CSMD2: variants seen among roughly 807,000 people sequenced by gnomAD.
CSMD2 encodes CUB and sushi domain-containing protein 2.
CSMD2 carries 130 observed loss-of-function variants against 398.5 expected under a neutral mutation model. That is an observed-to-expected ratio of 0.33 (90% CI 0.28 to 0.38). The LOEUF (loss-of-function observed/expected upper bound fraction) is 0.38, where lower values mean the gene tolerates loss of function less well. CSMD2 is among the 10% of genes least tolerant of loss of function. The pLI is 1.00. For missense variants in CSMD2, 3,829 were observed against 4,764.9 expected, an observed-to-expected ratio of 0.80 and a Z score of 5.78; for synonymous variants, 1,828 against 1,908.5, an observed-to-expected ratio of 0.96 and a Z score of 1.10.
intron 53 of CSMD2, among the ~76,000 whole-genome samples, chr1:33,562,970 T>C (rs964129578): frequency 6.6e-6 from 1 of 152,224 alleles, no homozygotes; most frequent in Non-Finnish European, 1.5e-5. Context: ...TCTCTCTCTA[T>C]ACACACCTCC....
chr1:34,132,231 C>A (rs760857673), intron 1 of CSMD2, among the ~76,000 whole-genome samples: 3 of 152,052 alleles, frequency 2.0e-5, no homozygotes, highest in Admixed American at 2.0e-4. Flanking sequence ...GAATGGGAGA[C>A]CTGTGGCACC....
chr1:33,744,088 C>T (rs1319138212), intron 13 of CSMD2, among the ~76,000 whole-genome samples: 5 of 152,122 alleles, frequency 3.3e-5, no homozygotes, highest in Non-Finnish European at 4.4e-5. Context: ...TTGGATGTGT[C>T]TGGATGTGAA....
At chr1:33,750,622 T>TA (rs1648090911) in intron 13 of CSMD2, among the ~76,000 whole-genome samples, 1 of 152,150 alleles carries the variant, frequency 6.6e-6, no homozygotes, top group Admixed American at 6.5e-5. Flanking sequence ...ATATAATTTA[T>TA]ACTATATTGA....
intron 5 of CSMD2, among the ~76,000 whole-genome samples, chr1:33,869,952 G>A (rs1640337399): frequency 6.6e-6 from 1 of 152,158 alleles, no homozygotes; most frequent in Non-Finnish European, 1.5e-5. Flanking sequence ...TATTTATTGG[G>A]TTTCCCTCAA....
chr1:34,033,107 T>G (rs1391942590), intron 2 of CSMD2, among the ~76,000 whole-genome samples: 1 of 152,248 alleles, frequency 6.6e-6, no homozygotes, highest in Non-Finnish European at 1.5e-5. Flanking sequence ...GAGCCAACTC[T>G]AAGTAGAAGA....
At chr1:33,587,446 C>T (rs889313009) in intron 44 of CSMD2, among the ~76,000 whole-genome samples, 4 of 152,146 alleles carry the variant, frequency 2.6e-5, no homozygotes, top group East Asian at 1.9e-4. Context: ...CTGAGTGCCT[C>T]GTGGATATTA....
intron 27 of CSMD2, among the ~76,000 whole-genome samples, chr1:33,654,400 T>C (rs1413822780): frequency 6.6e-6 from 1 of 152,190 alleles, no homozygotes; most frequent in Non-Finnish European, 1.5e-5. Context: ...GTTTTCCCCC[T>C]TTCTACTTCC....
Position 33,729,453 on chromosome 1 carries a change from C to CT in CSMD2, c.2369-2769dup, listed in dbSNP as rs200820125. Among the ~76,000 whole-genome samples, 164 of 103,798 alleles carry CT rather than the reference C, an allele frequency of 1.6e-3. 2 individuals carry two copies. Among genetic ancestry groups the CT allele is most frequent in the African/African-American group, 2.3e-3 (66 of 29,150 alleles). 68.1% of individuals were successfully genotyped at this position (103,798 alleles called of 152,430 possible). A position where few individuals can be genotyped will look rare whatever the true frequency, so the allele number is the denominator to read the frequency against. On this transcript the variant is annotated intron_variant, in intron 15 of 70. Coordinates refer to ENST00000373381, the MANE Select transcript of CSMD2 (RefSeq NM_001281956.2). ...CGGCAGGGATTTGGAGGGGAGGATT[C>CT]TTTTTTTTTTTTTTTTTAATTTTTT... is the stretch of plus-strand genomic sequence containing the variant.
At chr1:33,754,674 A>G (rs1450949158) in intron 13 of CSMD2, among the ~76,000 whole-genome samples, 1 of 152,144 alleles carries the variant, frequency 6.6e-6, no homozygotes, top group African/African-American at 2.4e-5. Context: ...AGGTAAAAAT[A>G]CATTTCTCAC....
intron 2 of CSMD2, among the ~76,000 whole-genome samples, chr1:34,046,317 T>C (rs1652510826): frequency 6.6e-6 from 1 of 152,222 alleles, no homozygotes; most frequent in Non-Finnish European, 1.5e-5. Flanking sequence ...GAAACAAAAA[T>C]GTTTTTCTTT....
chr1:33,529,699 T>C (rs962094934), intron 64 of CSMD2, among the ~76,000 whole-genome samples: 1 of 152,182 alleles, frequency 6.6e-6, no homozygotes, highest in African/African-American at 2.4e-5. Flanking sequence ...AACATAGGCA[T>C]AAATCTTTGT....
intron 41 of CSMD2, among the ~76,000 whole-genome samples, chr1:33,607,468 G>C (rs1640694187): frequency 6.6e-6 from 1 of 152,194 alleles, no homozygotes; most frequent in African/African-American, 2.4e-5. Context: ...AACCTGGGGA[G>C]AGTGGTCAGA....
At chr1:33,823,958 AC>A (rs925078463) in intron 7 of CSMD2, among the ~76,000 whole-genome samples, 16 of 152,118 alleles carry the variant, frequency 1.1e-4, no homozygotes, top group African/African-American at 3.9e-4. Flanking sequence ...CATCACATGT[AC>A]TTTTTTGGCT....
At chr1:33,532,894 T>A (rs1230575600) in intron 64 of CSMD2, among the ~76,000 whole-genome samples, 156 bp downstream of exon 64, 1 of 152,252 alleles carries the variant, frequency 6.6e-6, no homozygotes, top group Non-Finnish European at 1.5e-5. Flanking sequence ...ACCGCTCTGC[T>A]TTGCTCTTCT....
chr1:33,985,934 C>G lies in CSMD2; in HGVS notation c.517+46660G>C, dbSNP rs573170231. ...CATGTTCTGGTGGAAGGAGCAGTCA[C>G]TCTCTGCTCTGAGCTGTTTCCCTTG... On this transcript the variant is annotated intron_variant, in intron 3 of 70. Transcript: ENST00000373381. 5.4e-3 allele frequency among the ~76,000 whole-genome samples: 821 copies of G among 152,290 alleles called. 5 individuals are homozygous for G. Among genetic ancestry groups the G allele is most frequent in the Non-Finnish European group, 8.9e-3 (605 of 68,006 alleles).
At chr1:34,092,680 C>A (rs531361009) in intron 1 of CSMD2, among the ~76,000 whole-genome samples, 1 of 152,156 alleles carries the variant, frequency 6.6e-6, no homozygotes, top group Non-Finnish European at 1.5e-5. Flanking sequence ...CACTCCCACC[C>A]GAATACTGCG....
chr1:33,594,773 C>A (rs568285777), intron 44 of CSMD2, among the ~76,000 whole-genome samples: 3 of 152,300 alleles, frequency 2.0e-5, no homozygotes, highest in South Asian at 4.1e-4. Context: ...TCTGCTCTCG[C>A]TGATTCTTGT....
chr1:33,986,053 T>C (rs1457093490), intron 3 of CSMD2, among the ~76,000 whole-genome samples: 1 of 152,078 alleles, frequency 6.6e-6, no homozygotes, highest in Non-Finnish European at 1.5e-5. Context: ...AGGGCAGAGG[T>C]GGCACCTCAT....
chr1:33,688,823 CA>C (rs953127226), intron 25 of CSMD2, among the ~76,000 whole-genome samples: 2 of 150,506 alleles, frequency 1.3e-5, no homozygotes, highest in African/African-American at 4.9e-5. Context: ...AACCCTCCTC[CA>C]AAAAAAAGAG....
Sources: gnomAD v4.1 joint callset for allele counts (sites outside exome capture counted in the v4.1 genomes callset) on GRCh38, gnomAD v4.1.1 for gene constraint, MANE v1.5 for transcripts, NCBI Gene and HGNC (gene_info 2026-07-23, HGNC 2026-07-21) for gene names.